CHRM2: variants seen among roughly 807,000 people sequenced by gnomAD.
CHRM2 encodes the protein cholinergic receptor muscarinic 2.
Under a neutral mutation model 25.0 loss-of-function variants are expected in CHRM2, and 8 were observed. That is an observed-to-expected ratio of 0.32 (90% confidence interval 0.19 to 0.58). The LOEUF (loss-of-function observed/expected upper bound fraction) is 0.58, where lower values mean the gene tolerates loss of function less well. Among genes scored for constraint, CHRM2 ranks in the 20% least tolerant of loss-of-function variants. The probability of loss-of-function intolerance (pLI) is 0.88; values close to 1 mark genes in which losing one functional copy is unlikely to be tolerated. For synonymous variants in CHRM2, 202 were observed against 205.7 expected (o/e 0.98, Z 0.15); for missense variants, 440 against 567.1 (o/e 0.78, Z 2.28).
intron 2 of CHRM2, among the ~76,000 whole-genome samples, chr7:136,978,107 T>C (rs545743739): frequency 7.4e-4 from 113 of 152,224 alleles, no homozygotes; most frequent in Admixed American, 1.4e-3. Flanking sequence ...AAACTACCCA[T>C]TGGGTACTAT....
At chr7:136,996,744 G>A (rs180740629) in intron 3 of CHRM2, among the ~76,000 whole-genome samples, 1 of 152,222 alleles carries the variant, frequency 6.6e-6, no homozygotes, top group East Asian at 1.9e-4. Flanking sequence ...TAAAAATGAT[G>A]CATTAGATGT....
chr7:136,965,712 T>C (rs1801373088), intron 2 of CHRM2, among the ~76,000 whole-genome samples: 1 of 152,054 alleles, frequency 6.6e-6, no homozygotes, highest in African/African-American at 2.4e-5. Flanking sequence ...TGCAGTCCTC[T>C]AAAATCAGCC....
chr7:136,919,963 A>G (rs1798337070), intron 2 of CHRM2, among the ~76,000 whole-genome samples: 1 of 151,988 alleles, frequency 6.6e-6, no homozygotes, highest in African/African-American at 2.4e-5. Flanking sequence ...GTATTCCTCA[A>G]TGTTTCTCAA....
chr7:136,930,765 CGG>C (rs1470051126), intron 2 of CHRM2, among the ~76,000 whole-genome samples: 2 of 151,666 alleles, frequency 1.3e-5, no homozygotes, highest in African/African-American at 2.4e-5. Context: ...GTTGTGGTGG[CGG>C]GCACCTGTAG....
At chr7:136,912,046 T>C (rs1010393706) in intron 2 of CHRM2, among the ~76,000 whole-genome samples, 5 of 151,950 alleles carry the variant, frequency 3.3e-5, no homozygotes, top group African/African-American at 1.2e-4. Context: ...TTATTACAAT[T>C]TTGTCTTTGC....
At chr7:136,928,665 C>G (rs534696349) in intron 2 of CHRM2, among the ~76,000 whole-genome samples, 1 of 152,258 alleles carries the variant, frequency 6.6e-6, no homozygotes, top group African/African-American at 2.4e-5. Context: ...CTTATGATTT[C>G]AAGACCGTAG....
chr7:136,949,335 A>C (rs1320844294), intron 2 of CHRM2, among the ~76,000 whole-genome samples: 1 of 151,968 alleles, frequency 6.6e-6, no homozygotes, highest in African/African-American at 2.4e-5. Context: ...ATAAAACTCC[A>C]GCTGGGCACT....
chr7:136,990,386 T>C lies in CHRM2; in HGVS notation c.-124-1801T>C, dbSNP rs549900876. Among the ~76,000 whole-genome samples the C allele has an allele frequency of 2.2e-4, 33 of 152,288 alleles. No homozygotes were observed. In the South Asian group the frequency reaches 6.4e-3, roughly 30 times the overall value. On this transcript the variant is annotated intron_variant, in intron 2 of 3. Coordinates refer to ENST00000680005, the MANE Select transcript of CHRM2 (RefSeq NM_001006630.2). ...CTCCACCTATTCAGAACTCCATCCC[T>C]GGCAATTTCTGCCCACCATTGATCT...
chr7:136,906,107 AT>A (rs1311410135), intron 2 of CHRM2, among the ~76,000 whole-genome samples: 1 of 150,846 alleles, frequency 6.6e-6, no homozygotes, highest in Non-Finnish European at 1.5e-5. Context: ...ATGTATGTAT[AT>A]ATGTGTGTGT....
chr7:136,906,337 T>C (rs1394404471), intron 2 of CHRM2, among the ~76,000 whole-genome samples: 1 of 151,064 alleles, frequency 6.6e-6, no homozygotes. Context: ...ACATGGTTTG[T>C]ATATATATGC....
chr7:136,904,450 A>G (rs995384603), intron 2 of CHRM2, among the ~76,000 whole-genome samples: 5 of 151,914 alleles, frequency 3.3e-5, no homozygotes, highest in Non-Finnish European at 4.4e-5. Context: ...TGTGCATATG[A>G]TTCTGTTAAA....
chr7:136,905,903 T>C (rs1018583540), intron 2 of CHRM2, among the ~76,000 whole-genome samples: 6 of 151,556 alleles, frequency 4.0e-5, no homozygotes, highest in African/African-American at 1.4e-4. Context: ...AACTGTATTT[T>C]ATCATTCCAT....
chr7:136,937,613 C>T (rs537954877), intron 2 of CHRM2, among the ~76,000 whole-genome samples: 2 of 152,300 alleles, frequency 1.3e-5, no homozygotes, highest in East Asian at 1.9e-4. Context: ...CTGCTTGTCA[C>T]ATCTACTGGT....
Position 137,019,382 on chromosome 7 carries a change from A to C in CHRM2, c.*3116A>C, listed in dbSNP as rs993614443. ...TCTTTTTTCCAGCATCTTAATGTTC[A>C]ATTATGATTGCCACAGATCTAGTCA... On this transcript the variant is annotated 3_prime_UTR_variant, in exon 4 of 4. Coordinates refer to ENST00000680005, the MANE Select transcript of CHRM2 (RefSeq NM_001006630.2). 2.6e-5 allele frequency: 4 copies of C among 151,898 alleles called. No homozygotes were observed. The highest frequency in any genetic ancestry group is 5.9e-5 in the Non-Finnish European group (4 of 67,898). 9.4% of individuals were successfully genotyped at this position (151,898 alleles called of 1,614,324 possible). A position where few individuals can be genotyped will look rare whatever the true frequency, so the allele number is the denominator to read the frequency against.
chr7:137,000,591 G>GGAAGGAAGGAAGGAAGGAA (rs917139955), intron 3 of CHRM2, among the ~76,000 whole-genome samples: 1 of 149,070 alleles, frequency 6.7e-6, no homozygotes, highest in Non-Finnish European at 1.5e-5. Flanking sequence ...AAGGAAGGAA[G>GGAAGGAAGGAAGGAAGGAA]GGAAAAAAAG....
chr7:136,903,526 A>C (rs1170882898), intron 2 of CHRM2: 1 of 166,810 alleles, frequency 6.0e-6, no homozygotes, highest in Non-Finnish European at 1.3e-5. Flanking sequence ...TAGAAATGAT[A>C]GAAGTATAAG....
intron 2 of CHRM2, among the ~76,000 whole-genome samples, chr7:136,888,862 C>A (rs186632479): frequency 6.6e-6 from 1 of 151,742 alleles, no homozygotes; most frequent in African/African-American, 2.4e-5. Flanking sequence ...CTGGCTAACA[C>A]GGTGAAACCC....
chr7:136,935,092 T>C (rs990705076), intron 2 of CHRM2, among the ~76,000 whole-genome samples: 4 of 152,136 alleles, frequency 2.6e-5, no homozygotes, highest in Non-Finnish European at 5.9e-5. Context: ...GCAATTCTGA[T>C]TAAAATAAAC....
intron 2 of CHRM2, among the ~76,000 whole-genome samples, chr7:136,890,336 G>A (rs1796642843): frequency 2.6e-5 from 4 of 152,196 alleles, no homozygotes; most frequent in Admixed American, 2.6e-4. Context: ...ACCGCTGTGT[G>A]TGTACTGCTA....
Sources: allele counts gnomAD v4.1 joint callset (sites outside exome capture counted in the v4.1 genomes callset), GRCh38; gene constraint gnomAD v4.1.1; transcripts MANE v1.5; gene names NCBI Gene and HGNC (gene_info 2026-07-23, HGNC 2026-07-21).